THEMIS: variants seen among roughly 807,000 people sequenced by gnomAD.
THEMIS encodes protein THEMIS.
THEMIS carries 37 observed loss-of-function variants against 52.6 expected under a neutral mutation model. The observed-to-expected ratio is 0.70, with a 90% CI of 0.54 to 0.93. The LOEUF (loss-of-function observed/expected upper bound fraction) is 0.93. Ranked by LOEUF, THEMIS falls within the 40% of genes least tolerant of loss-of-function variation. The pLI, the probability that THEMIS is intolerant of heterozygous loss-of-function variation, is 0.00. For synonymous variants in THEMIS, 292 were observed against 272.7 expected (o/e 1.07, Z -0.70); for missense variants, 808 against 763.1 (o/e 1.06, Z -0.69).
intron 4 of THEMIS, among the ~76,000 whole-genome samples, chr6:127,730,994 C>T (rs1774773943): frequency 6.6e-6 from 1 of 152,142 alleles, no homozygotes; most frequent in Non-Finnish European, 1.5e-5. Flanking sequence ...AAAACAATGC[C>T]ATAGTCATTC....
At chr6:127,860,546 A>G (rs1439659539) in intron 1 of THEMIS, among the ~76,000 whole-genome samples, 1 of 152,106 alleles carries the variant, frequency 6.6e-6, no homozygotes, top group Non-Finnish European at 1.5e-5. Context: ...ATTATCCAGG[A>G]AGTCAAGCCT....
chr6:127,697,634 A>C, the THEMIS span, among the ~76,000 whole-genome samples: 2 of 152,134 alleles, frequency 1.3e-5, no homozygotes, highest in Non-Finnish European at 2.9e-5. Flanking sequence ...GTCCCACTGA[A>C]CATGTCATGT....
At chr6:127,780,174 T>C (rs1241259526) in intron 4 of THEMIS, among the ~76,000 whole-genome samples, 1 of 152,208 alleles carries the variant, frequency 6.6e-6, no homozygotes, top group Non-Finnish European at 1.5e-5. Flanking sequence ...TCTTTTTTGA[T>C]CTTTGTTGGT....
At chr6:127,854,918 C>A in intron 2 of THEMIS, 112 bp downstream of exon 2, 1 of 881,106 alleles carries the variant, frequency 1.1e-6, no homozygotes, top group Non-Finnish European at 1.6e-6. Context: ...TTTTCCCCCC[C>A]ATTATCCTAG....
intron 1 of THEMIS, among the ~76,000 whole-genome samples, chr6:127,873,463 A>C (rs1001156395): frequency 1.3e-5 from 2 of 152,206 alleles, no homozygotes; most frequent in Admixed American, 6.5e-5. Flanking sequence ...TAAAGGAAGA[A>C]AATGTACTCC....
upstream of THEMIS, among the ~76,000 whole-genome samples, chr6:127,902,653 G>A (rs796999680): frequency 3.0e-4 from 46 of 152,046 alleles, no homozygotes; most frequent in African/African-American, 1.1e-3. Context: ...TAGAATTTAC[G>A]ATTGACCACA....
chr6:127,860,424 C>A (rs1047287663), intron 1 of THEMIS, among the ~76,000 whole-genome samples: 4 of 152,012 alleles, frequency 2.6e-5, no homozygotes, highest in African/African-American at 4.8e-5. Flanking sequence ...ATTAAGAAGG[C>A]AAGGCATTGG....
At chr6:127,868,427 G>A (rs1780051547) in intron 1 of THEMIS, 1 of 985,178 alleles carries the variant, frequency 1.0e-6, no homozygotes, top group Admixed American at 6.2e-5. Context: ...GAATGGAGAA[G>A]ATGGACTTAG....
intron 4 of THEMIS, among the ~76,000 whole-genome samples, chr6:127,767,367 C>A (rs1463839962): frequency 6.6e-6 from 1 of 152,196 alleles, no homozygotes; most frequent in Admixed American, 6.5e-5. Context: ...GCTGGGATTA[C>A]AGACGTGAGC....
At chr6:127,750,213 A>G (rs990441211) in intron 4 of THEMIS, among the ~76,000 whole-genome samples, 1 of 151,518 alleles carries the variant, frequency 6.6e-6, no homozygotes, top group Non-Finnish European at 1.5e-5. Flanking sequence ...ACTCTAATTA[A>G]TAACATATTC....
At chr6:127,870,243 G>A (rs1780116420) in intron 1 of THEMIS, among the ~76,000 whole-genome samples, 1 of 152,186 alleles carries the variant, frequency 6.6e-6, no homozygotes, top group Non-Finnish European at 1.5e-5. Context: ...GAGAGGCCCA[G>A]TAATAAGGCA....
intron 4 of THEMIS, among the ~76,000 whole-genome samples, chr6:127,753,205 T>G (rs1341465963): frequency 1.3e-5 from 2 of 151,968 alleles, no homozygotes; most frequent in Non-Finnish European, 2.9e-5. Context: ...ACAGCTAACA[T>G]CATACTCAAG....
At chr6:127,811,687 G>C (rs1477551339) in intron 4 of THEMIS, among the ~76,000 whole-genome samples, 1 of 152,124 alleles carries the variant, frequency 6.6e-6, no homozygotes, top group East Asian at 1.9e-4. Context: ...ACACAAAGAA[G>C]ACATTTCATT....
intron 2 of THEMIS, among the ~76,000 whole-genome samples, chr6:127,847,591 G>A (rs115397698): frequency 0.014 from 2,095 of 151,918 alleles, 52 homozygotes; most frequent in African/African-American, 0.048. Context: ...TAACCAAGGA[G>A]GTGAAAGAAC....
At chr6:127,910,653 T>C (rs62426476) in intron 1 of THEMIS, among the ~76,000 whole-genome samples, 25,133 of 152,062 alleles carry the variant, frequency 0.17, 2,588 homozygotes, top group East Asian at 0.38. Context: ...GAATAGGTTA[T>C]AGAATCATAG....
Position 127,807,213 on chromosome 6 carries a change from T to C in THEMIS, c.1758+5670A>G, listed in dbSNP as rs1777743227. 1.6e-5 allele frequency: 3 copies of C among 184,662 alleles called. No homozygotes were observed. The South Asian group carries it at 2.2e-4, about 14-fold the overall frequency. 11.4% of individuals were successfully genotyped at this position (184,662 alleles called of 1,614,324 possible). On this transcript the variant is annotated intron_variant, in intron 4 of 5. Transcript: ENST00000368248. ...CCATCTCTACTAAAAATACAAAAATTACCTGGACGTGGTGGGGGGTGCCTG... is the reference window on the plus strand; with the variant it reads ...CCATCTCTACTAAAAATACAAAAATCACCTGGACGTGGTGGGGGGTGCCTG...
chr6:127,882,199 C>T (rs1350495170), intron 1 of THEMIS, among the ~76,000 whole-genome samples: 1 of 151,714 alleles, frequency 6.6e-6, no homozygotes, highest in Non-Finnish European at 1.5e-5. Context: ...CCCAATACAG[C>T]CATTCTGTTT....
At chr6:127,912,006 T>C (rs802706) in intron 1 of THEMIS, among the ~76,000 whole-genome samples, 60,997 of 152,066 alleles carry the variant, frequency 0.4, 13,324 homozygotes, top group Non-Finnish European at 0.51. Flanking sequence ...ATGGTTCACC[T>C]TGGGTTATGG....
At chr6:127,712,485 T>A (rs985681453) in intron 5 of THEMIS, among the ~76,000 whole-genome samples, 2 of 152,042 alleles carry the variant, frequency 1.3e-5, no homozygotes, top group South Asian at 4.1e-4. Context: ...GGTTCTAAAA[T>A]CCAAATTGAT....
Sources: allele counts gnomAD v4.1 joint callset (sites outside exome capture counted in the v4.1 genomes callset), GRCh38; gene constraint gnomAD v4.1.1; transcripts MANE v1.5; gene names NCBI Gene and HGNC (gene_info 2026-07-23, HGNC 2026-07-21).